C2CD2: variants seen among roughly 807,000 people sequenced by gnomAD.
The protein encoded by C2CD2 is C2 domain-containing protein 2.
In C2CD2, 43 loss-of-function variants were observed where a neutral mutation model predicts 74.3. The observed-to-expected ratio is 0.58, with a 90% CI of 0.45 to 0.75. The LOEUF (loss-of-function observed/expected upper bound fraction) is 0.75, where lower values mean the gene tolerates loss of function less well. C2CD2 is among the 30% of genes least tolerant of loss of function. The pLI, the probability that C2CD2 is intolerant of heterozygous loss-of-function variation, is 0.00. For missense variants in C2CD2, 801 were observed against 916.3 expected (o/e 0.87, Z 1.63); for synonymous variants, 422 against 390.7 (o/e 1.08, Z -0.94).
intron 2 of C2CD2, among the ~76,000 whole-genome samples, chr21:41,928,303 T>C (rs117314964): frequency 0.025 from 3,833 of 152,224 alleles, 102 homozygotes; most frequent in East Asian, 0.094. Flanking sequence ...GGGCTGCACC[T>C]GCAGGCTGGC....
chr21:41,909,532 G>C lies in C2CD2; in HGVS notation c.954-9C>G, dbSNP rs763701942. 2.5e-6 allele frequency: 4 copies of C among 1,602,236 alleles called. No individual in the cohort carries two copies. The highest frequency in any genetic ancestry group is 2.6e-6 in the Non-Finnish European group (3 of 1,169,228). ...ACTTGGCATTCAACTCGCTTTGGAA[G>C]AGAAACAAGTTATGAGTCCTAAAAA... On this transcript the variant is annotated splice_polypyrimidine_tract_variant and intron_variant, in intron 7 of 13. Transcript: ENST00000380486.
intron 10 of C2CD2, among the ~76,000 whole-genome samples, chr21:41,906,377 G>C (rs1374937845): frequency 6.6e-6 from 1 of 152,140 alleles, no homozygotes; most frequent in Admixed American, 6.5e-5. Flanking sequence ...TTTTGTTTTT[G>C]CTTTTTTCTT....
chr21:41,950,328 C>A (rs1336711715), intron 1 of C2CD2, among the ~76,000 whole-genome samples: 2 of 152,192 alleles, frequency 1.3e-5, no homozygotes, highest in East Asian at 3.8e-4. Context: ...GATCCCTGCA[C>A]ACCTGGCGTC....
intron 2 of C2CD2, among the ~76,000 whole-genome samples, chr21:41,927,920 G>A (rs867169683): frequency 2.2e-4 from 34 of 152,000 alleles, no homozygotes; most frequent in Non-Finnish European, 1.8e-4. Context: ...CTCCAACCCC[G>A]CCCCCAGCAA....
rs924105802 is a variant in C2CD2 at position 41,926,160 on chromosome 21, A to G, written c.379-4075T>C. On this transcript the variant is annotated intron_variant, in intron 2 of 13. Transcript: ENST00000380486. This position sits in a 1 kb window ranked among gnomAD's most constrained non-coding sequence, Gnocchi z 8.0. ...CCACAGAGCCCAGGTCTGCATCTGC[A>G]GGAGCGAGCTCCCTCGACAACAACC... 2.0e-5 allele frequency among the ~76,000 whole-genome samples: 3 copies of G among 152,254 alleles called. No homozygotes were observed. The highest frequency in any genetic ancestry group is 4.4e-5 in the Non-Finnish European group (3 of 68,042).
At chr21:41,953,017 A>T (rs1369652881) in intron 1 of C2CD2, 1 of 267,654 alleles carries the variant, frequency 3.7e-6, no homozygotes, top group Non-Finnish European at 7.0e-6. Context: ...GTGCAAGCTC[A>T]GTAAGTGTCC....
In C2CD2 at chr21:41,918,067, G is replaced by A. The variant is rs115383943; in HGVS notation, c.720+38C>T. On this transcript the variant is annotated intron_variant, in intron 5 of 13. Coordinates refer to ENST00000380486, the MANE Select transcript of C2CD2 (RefSeq NM_015500.2). The stretch of plus-strand genomic sequence containing the variant: ...AGAGAGGTGGGCCATGGTGCCTAAC[G>A]GGGTTCAGATGCACCCACAGCACCC... 1.0e-3 allele frequency: 1,616 copies of A among 1,612,026 alleles called. 13 individuals are homozygous for A. The African/African-American group carries it at 0.019, about 19-fold the overall frequency.
chr21:41,902,668 A>G (rs1184081260), intron 11 of C2CD2, among the ~76,000 whole-genome samples: 2 of 152,222 alleles, frequency 1.3e-5, no homozygotes, highest in Non-Finnish European at 2.9e-5. Flanking sequence ...CCTGAGGCTT[A>G]CAGATGCTGC....
At chr21:41,916,034 G>A (rs2065086623) in intron 5 of C2CD2, among the ~76,000 whole-genome samples, 1 of 152,106 alleles carries the variant, frequency 6.6e-6, no homozygotes, top group Admixed American at 6.5e-5. Flanking sequence ...AGAGACACAG[G>A]TGTTCTTTCC....
intron 13 of C2CD2, among the ~76,000 whole-genome samples, chr21:41,896,720 A>AC (rs1569055501): frequency 2.6e-5 from 4 of 151,512 alleles, no homozygotes; most frequent in South Asian, 2.1e-4. Flanking sequence ...AAAAAAAAAA[A>AC]AAAAAAAAAC....
intron 2 of C2CD2, among the ~76,000 whole-genome samples, chr21:41,932,253 A>G (rs2065269242): frequency 6.7e-6 from 1 of 150,084 alleles, no homozygotes; most frequent in African/African-American, 2.4e-5. Context: ...CAGGCAGGGC[A>G]TGAAGCTGCT....
At chr21:41,934,856 G>GTGC (rs562454605) in intron 2 of C2CD2, among the ~76,000 whole-genome samples, 2 of 124,086 alleles carry the variant, frequency 1.6e-5, no homozygotes, top group Middle Eastern at 4.0e-3. Context: ...GCCTTGCCTC[G>GTGC]TTTTTTTTTT....
At position 41,907,792 on chromosome 21, in the gene C2CD2, G is replaced by T; in HGVS notation, c.1019-8C>A. The T allele has an allele frequency of 6.2e-7, 1 of 1,614,012 alleles. No individual in the cohort carries two copies. The highest frequency in any genetic ancestry group is 1.3e-5 in the African/African-American group (1 of 75,062). On this transcript the variant is annotated splice_region_variant and splice_polypyrimidine_tract_variant and intron_variant, in intron 8 of 13. Coordinates refer to ENST00000380486, the MANE Select transcript of C2CD2 (RefSeq NM_015500.2). ...TCGCCGTCGCCAGCAGACCTGAAAAGATAGGAGACAGGCAAGGGGTGCCGC... is the reference window on the plus strand; with the variant it reads ...TCGCCGTCGCCAGCAGACCTGAAAATATAGGAGACAGGCAAGGGGTGCCGC...
chr21:41,916,805 T>A (rs1601578701), intron 5 of C2CD2, among the ~76,000 whole-genome samples: 2 of 152,172 alleles, frequency 1.3e-5, no homozygotes. Flanking sequence ...AAAAGCATGA[T>A]TGAAGTTATG....
Position 41,895,600 on chromosome 21 carries a change from G to A in C2CD2, c.1870+3453C>T, listed in dbSNP as rs1326021169. 6.6e-6 allele frequency among the ~76,000 whole-genome samples: 1 copy of A among 152,152 alleles called. No individual in the cohort carries two copies. Among genetic ancestry groups the A allele is most frequent in the African/African-American group, 2.4e-5 (1 of 41,424 alleles). ...ACCAAGATTTTAAATGGGAGACAGGGAGAAGAAGAAAAGTCTTTCCCTGGT... is the reference window on the plus strand; with the variant it reads ...ACCAAGATTTTAAATGGGAGACAGGAAGAAGAAGAAAAGTCTTTCCCTGGT... On this transcript the variant is annotated intron_variant, in intron 13 of 13. Coordinates refer to ENST00000380486, the MANE Select transcript of C2CD2 (RefSeq NM_015500.2). This position sits in a 1 kb window ranked among gnomAD's most constrained non-coding sequence, Gnocchi z 5.0.
chr21:41,919,024 G>A, intron 3 of C2CD2, 64 bp from the exon 4 acceptor site: 1 of 1,170,944 alleles, frequency 8.5e-7, no homozygotes, highest in South Asian at 1.2e-5. Context: ...GCACGTGCGT[G>A]TGCATGTGAC....
At chr21:41,902,519 G>C (rs2064911706) in intron 11 of C2CD2, among the ~76,000 whole-genome samples, 1 of 152,224 alleles carries the variant, frequency 6.6e-6, no homozygotes. Context: ...AGGCCCCAGA[G>C]CTGAGATGAC....
chr21:41,946,487 C>T (rs1401465420), intron 1 of C2CD2, among the ~76,000 whole-genome samples: 2 of 152,136 alleles, frequency 1.3e-5, no homozygotes, highest in Admixed American at 6.5e-5. Flanking sequence ...GCCTCTTTCT[C>T]CCCCTCCTGC....
rs2065113031 is a variant in C2CD2 at position 41,918,140 on chromosome 21, G to A, written c.685C>T (p.Leu229=). ...LAGSASPSVV[L]ITKPTTVKEA... is the part of the protein sequence containing the mutation. ...TTTACAGTCGTGGGCTTGGTAATCA[G>A]AACCACTGATGGAGAGGCAGAACCA... is the stretch of plus-strand genomic sequence containing the variant. The change falls in exon 5 of 14, where the codon CTG becomes TTG. Residue 229 remains leucine (L), a synonymous_variant. Transcript: ENST00000380486. 1 of 1,614,004 alleles carries A rather than the reference G, an allele frequency of 6.2e-7. No homozygotes were observed. Among genetic ancestry groups the A allele is most frequent in the Non-Finnish European group, 8.5e-7 (1 of 1,180,004 alleles).
Sources: allele counts gnomAD v4.1 joint callset (sites outside exome capture counted in the v4.1 genomes callset), GRCh38; gene constraint gnomAD v4.1.1; non-coding constraint Gnocchi (gnomAD v3.1); transcripts MANE v1.5; gene names NCBI Gene and HGNC (gene_info 2026-07-23, HGNC 2026-07-21).